The following PRIM2 variants were observed in gnomAD, a reference collection of about 807,000 sequenced individuals.
The protein encoded by PRIM2 is DNA primase subunit 2, also known as DNA primase large subunit.
PRIM2 carries 39 observed loss-of-function variants against 67.3 expected under a neutral mutation model. The ratio of observed to expected loss-of-function variants is 0.58; its 90% CI spans 0.45 to 0.76. The LOEUF (loss-of-function observed/expected upper bound fraction) is 0.76, where lower values mean the gene tolerates loss of function less well. Ranked by LOEUF, PRIM2 falls within the 30% of genes least tolerant of loss-of-function variation. PRIM2 has a pLI of 0.00. For synonymous variants in PRIM2, 143 were observed against 198.7 expected, an observed-to-expected ratio of 0.72 and a Z score of 2.36; for missense variants, 398 against 598.7, an observed-to-expected ratio of 0.66 and a Z score of 3.50.
chr6:57,229,155 C>T, the PRIM2 span, among the ~76,000 whole-genome samples: 1 of 152,194 alleles, frequency 6.6e-6, no homozygotes. Context: ...AAATTCTCAG[C>T]CTTATATCTT....
chr6:57,600,026 T>G (rs1216973220), intron 10 of PRIM2, among the ~76,000 whole-genome samples: 2 of 152,196 alleles, frequency 1.3e-5, no homozygotes, highest in Non-Finnish European at 2.9e-5. Context: ...TAATAACTGT[T>G]GTACATCACA....
intron 1 of PRIM2, 50 bp from the exon 2 acceptor site, chr6:57,318,387 C>T (rs1767544501): frequency 6.8e-6 from 10 of 1,478,784 alleles, no homozygotes; most frequent in East Asian, 2.4e-5. Flanking sequence ...TTTTTTTTCC[C>T]CCAACTTTGT....
intron 5 of PRIM2, among the ~76,000 whole-genome samples, chr6:57,359,441 T>C (rs1581826042): frequency 6.6e-6 from 1 of 152,246 alleles, no homozygotes; most frequent in Non-Finnish European, 1.5e-5. Flanking sequence ...GTTCACCAGC[T>C]CAGTACCTCT....
chr6:57,316,963 C>T (rs17524677), upstream of PRIM2, among the ~76,000 whole-genome samples: 584 of 152,336 alleles, frequency 3.8e-3, 4 homozygotes, highest in Admixed American at 0.026. Flanking sequence ...TGCGCGCTTC[C>T]TCTGTGCGAG....
chr6:57,383,574 T>TAAAAAA (rs67876499), intron 7 of PRIM2: 1 of 119,334 alleles, frequency 8.4e-6, no homozygotes. Context: ...TTTTTCTTGC[T>TAAAAAA]AAAAAAAAAA....
chr6:57,275,096 C>T, the PRIM2 span, among the ~76,000 whole-genome samples: 2 of 152,074 alleles, frequency 1.3e-5, no homozygotes, highest in Non-Finnish European at 2.9e-5. Flanking sequence ...CATGTGATGT[C>T]TTTCAATATC....
At chr6:57,381,913 A>G in intron 6 of PRIM2, 118 bp from the exon 7 acceptor site, 1 of 1,017,300 alleles carries the variant, frequency 9.8e-7, no homozygotes, top group Non-Finnish European at 1.4e-6. Flanking sequence ...TCATTTTGAT[A>G]TTCTTTTGGC....
intron 10 of PRIM2, among the ~76,000 whole-genome samples, chr6:57,567,515 A>T (rs1477508194): frequency 5.9e-5 from 9 of 152,164 alleles, no homozygotes; most frequent in African/African-American, 2.2e-4. Flanking sequence ...TGATGGGTTT[A>T]TCAGGACATA....
chr6:57,260,863 C>T, the PRIM2 span, among the ~76,000 whole-genome samples: 1 of 152,112 alleles, frequency 6.6e-6, no homozygotes, highest in Non-Finnish European at 1.5e-5. Context: ...GAAAAGTCAG[C>T]AGGAAAATCA....
chr6:57,470,779 C>T (rs1267488231), intron 7 of PRIM2, among the ~76,000 whole-genome samples: 1 of 152,014 alleles, frequency 6.6e-6, no homozygotes, highest in East Asian at 1.9e-4. Flanking sequence ...CTTGTATTTT[C>T]ATTTTTATGG....
intron 12 of PRIM2, among the ~76,000 whole-genome samples, chr6:57,610,807 C>T (rs1352558987): frequency 6.6e-6 from 1 of 152,116 alleles, no homozygotes; most frequent in Admixed American, 6.5e-5. Flanking sequence ...AAGAAGCAGG[C>T]AGAAAGTCAG....
At chr6:57,445,185 A>G (rs1316707600) in intron 7 of PRIM2, among the ~76,000 whole-genome samples, 1 of 152,218 alleles carries the variant, frequency 6.6e-6, no homozygotes. Context: ...TTGTTTGCCA[A>G]CATTCTCGTA....
chr6:57,470,018 T>A (rs1170815465), intron 7 of PRIM2, among the ~76,000 whole-genome samples: 7,059 of 152,062 alleles, frequency 0.046, 303 homozygotes, highest in African/African-American at 0.11. Context: ...TGCAGTTGGC[T>A]GAGTTACCCT....
chr6:57,317,270 A>C (rs1888266), upstream of PRIM2, among the ~76,000 whole-genome samples: 125,911 of 152,076 alleles, frequency 0.83, 52,302 homozygotes, highest in East Asian at 0.99. Context: ...GCCAGCCCTG[A>C]GGGTTAAAGC....
chr6:57,609,233 G>A (rs1776620658), intron 12 of PRIM2, among the ~76,000 whole-genome samples: 1 of 152,172 alleles, frequency 6.6e-6, no homozygotes, highest in African/African-American at 2.4e-5. Flanking sequence ...GAGGAAGGAC[G>A]ATATGTACTT....
At chr6:57,590,901 G>C (rs1218925167) in intron 10 of PRIM2, among the ~76,000 whole-genome samples, 1 of 152,176 alleles carries the variant, frequency 6.6e-6, no homozygotes, top group Non-Finnish European at 1.5e-5. Context: ...TTACATAAAA[G>C]AGAATTGTTG....
intron 7 of PRIM2, among the ~76,000 whole-genome samples, chr6:57,496,738 T>C (rs1430335025): frequency 2.0e-5 from 3 of 152,330 alleles, no homozygotes; most frequent in African/African-American, 4.8e-5. Context: ...TAAGGAATTT[T>C]AGAACTTCAG....
intron 5 of PRIM2, among the ~76,000 whole-genome samples, chr6:57,335,649 G>A (rs1222885992): frequency 1.3e-5 from 2 of 152,164 alleles, no homozygotes; most frequent in Non-Finnish European, 2.9e-5. Flanking sequence ...GCAGCTGAGG[G>A]TCCTGTCTGT....
chr6:57,610,811 AAGTC>A (rs1170179037), intron 12 of PRIM2, among the ~76,000 whole-genome samples: 4 of 152,318 alleles, frequency 2.6e-5, no homozygotes, highest in South Asian at 2.1e-4. Context: ...AGCAGGCAGA[AAGTC>A]AGGAAGGATA....
Sources: gnomAD v4.1 joint callset for allele counts (sites outside exome capture counted in the v4.1 genomes callset) on GRCh38, gnomAD v4.1.1 for gene constraint, MANE v1.5 for transcripts, NCBI Gene and HGNC (gene_info 2026-07-23, HGNC 2026-07-21) for gene names.